PHLDB2: variants seen among roughly 807,000 people sequenced by gnomAD.
PHLDB2 encodes pleckstrin homology like domain family B member 2.
A neutral mutation model predicts 123.6 loss-of-function variants in PHLDB2; 71 were observed. The observed-to-expected ratio is 0.57, with a 90% CI of 0.47 to 0.70. The LOEUF (loss-of-function observed/expected upper bound fraction) is 0.70. PHLDB2 is among the 30% of genes least tolerant of loss of function. The probability of loss-of-function intolerance (pLI) is 0.00; values close to 1 mark genes in which losing one functional copy is unlikely to be tolerated. For missense variants in PHLDB2, 1,446 were observed against 1,519.5 expected (o/e 0.95, Z 0.80); for synonymous variants, 547 against 541.6 (o/e 1.01, Z -0.14).
rs777762809 is a variant in PHLDB2, at chr3:111,919,302, A to G, written c.1863+87A>G. 24 of 1,374,188 alleles carry G rather than the reference A, an allele frequency of 1.7e-5. No homozygotes were observed. The African/African-American group carries it at 2.9e-4, about 16-fold the overall frequency. 85.1% of individuals were successfully genotyped at this position (1,374,188 alleles called of 1,614,324 possible). A position where few individuals can be genotyped will look rare whatever the true frequency, so the allele number is the denominator to read the frequency against. On this transcript the variant is annotated intron_variant, in intron 4 of 17. Transcript: ENST00000431670. The stretch of plus-strand genomic sequence containing the variant: ...TATTCAGGAATAGGCTTTGGAGGCC[A>G]GATACATAGACGTCAACACAAGCAA...
At chr3:111,962,929 CAAAAAAAAAAA>C (rs57625439) in intron 13 of PHLDB2, among the ~76,000 whole-genome samples, 5 of 93,832 alleles carry the variant, frequency 5.3e-5, no homozygotes, top group Admixed American at 1.3e-4. Flanking sequence ...AACTCCATCT[CAAAAAAAAAAA>C]AAAAAAAAAG....
At chr3:111,912,513 T>C (rs1263024125) in intron 2 of PHLDB2, among the ~76,000 whole-genome samples, 1 of 152,160 alleles carries the variant, frequency 6.6e-6, no homozygotes, top group Non-Finnish European at 1.5e-5. Flanking sequence ...TTTATAATTT[T>C]AATTATATAA....
At chr3:111,958,043 T>G (rs917199031) in intron 12 of PHLDB2, 2 of 154,860 alleles carry the variant, frequency 1.3e-5, no homozygotes, top group East Asian at 3.8e-4. Flanking sequence ...TAAGGTTTCT[T>G]GAGTTTTTCT....
intron 1 of PHLDB2, among the ~76,000 whole-genome samples, chr3:111,744,944 G>A (rs1196615593): frequency 6.6e-6 from 1 of 152,216 alleles, no homozygotes; most frequent in East Asian, 1.9e-4. Context: ...GATGAAAATA[G>A]CACTGTCAGT....
intron 9 of PHLDB2, among the ~76,000 whole-genome samples, chr3:111,947,268 G>T (rs1041506345): frequency 4.6e-5 from 7 of 151,648 alleles, no homozygotes; most frequent in South Asian, 2.1e-4. Context: ...TTTATTTCCT[G>T]CAGACATTCT....
In PHLDB2 at chr3:111,859,270, G is replaced by C; in HGVS notation, c.-321G>C. The C allele has an allele frequency of 1.0e-6, 1 of 985,556 alleles. No individual in the cohort carries two copies. 61.1% of individuals were successfully genotyped at this position (985,556 alleles called of 1,614,324 possible). A position where few individuals can be genotyped will look rare whatever the true frequency, so the allele number is the denominator to read the frequency against. On this transcript the variant is annotated 5_prime_UTR_variant, in exon 1 of 18. Coordinates refer to ENST00000431670, the MANE Select transcript of PHLDB2 (RefSeq NM_001134438.2). Reference sequence around the variant, plus strand: ...AGCCTGCCACGAAAGTCCCTACTGCGTTGCTGCGAACGTAGCTTTGAGAAG... The same window carrying C: ...AGCCTGCCACGAAAGTCCCTACTGCCTTGCTGCGAACGTAGCTTTGAGAAG...
intron 2 of PHLDB2, among the ~76,000 whole-genome samples, chr3:111,905,004 C>T (rs2067429821): frequency 6.6e-6 from 1 of 152,140 alleles, no homozygotes; most frequent in Non-Finnish European, 1.5e-5. Flanking sequence ...AAGAGAACGG[C>T]AATGATTTTT....
At chr3:111,919,766 A>G (rs1006138277) in intron 4 of PHLDB2, among the ~76,000 whole-genome samples, 4 of 152,218 alleles carry the variant, frequency 2.6e-5, no homozygotes, top group African/African-American at 9.6e-5. Context: ...AATTCTGCCT[A>G]GGGAAGATCT....
At chr3:111,920,559 C>T (rs2068437753) in intron 5 of PHLDB2, 140 bp downstream of exon 5, 3 of 1,069,212 alleles carry the variant, frequency 2.8e-6, no homozygotes, top group East Asian at 5.3e-5. Flanking sequence ...AGAGAAAAAT[C>T]CTAAGATCAT....
intron 5 of PHLDB2, among the ~76,000 whole-genome samples, chr3:111,922,737 T>G (rs954539852): frequency 6.6e-6 from 1 of 152,226 alleles, no homozygotes; most frequent in Non-Finnish European, 1.5e-5. Context: ...TCAAATAAAT[T>G]TATTCCACCA....
At chr3:111,837,325 T>C (rs1019864488) in intron 1 of PHLDB2, among the ~76,000 whole-genome samples, 2 of 152,210 alleles carry the variant, frequency 1.3e-5, no homozygotes, top group African/African-American at 2.4e-5. Flanking sequence ...TTATAAAAGT[T>C]TGAAGTTACA....
At chr3:111,790,965 T>C (rs1404253856) in intron 1 of PHLDB2, among the ~76,000 whole-genome samples, 3 of 152,326 alleles carry the variant, frequency 2.0e-5, no homozygotes, top group African/African-American at 7.2e-5. Context: ...CATTCTGATA[T>C]GTAATCTGCT....
intron 5 of PHLDB2, among the ~76,000 whole-genome samples, chr3:111,923,189 C>G (rs1463841683): frequency 2.6e-5 from 4 of 152,136 alleles, no homozygotes; most frequent in African/African-American, 9.7e-5. Flanking sequence ...CTCTACTCCT[C>G]CATCAGATTC....
At chr3:111,837,678 C>T (rs1473075916) in intron 1 of PHLDB2, among the ~76,000 whole-genome samples, 1 of 152,136 alleles carries the variant, frequency 6.6e-6, no homozygotes, top group East Asian at 1.9e-4. Flanking sequence ...GACACAATTT[C>T]TCAAAGCTAA....
chr3:111,836,948 T>C (rs1458520456), intron 1 of PHLDB2, among the ~76,000 whole-genome samples: 1 of 152,158 alleles, frequency 6.6e-6, no homozygotes, highest in Non-Finnish European at 1.5e-5. Context: ...ATCTACATTA[T>C]TCAGGTGGAA....
rs563401752 is a variant in PHLDB2 at position 111,969,851 on chromosome 3, G to T, written c.3477G>T (p.Thr1159=). The T allele has an allele frequency of 1.2e-5, 19 of 1,614,032 alleles. No homozygotes were observed. The South Asian group carries it at 1.9e-4, about 16-fold the overall frequency. The change falls in exon 16 of 18, where the codon ACG becomes ACT. Residue 1159 remains threonine, a synonymous_variant. Transcript: ENST00000431670. ...FLIKMGGKIK[T]WKKRWFVFDR... ...TCAAAATGGGTGGGAAAATTAAAAC[G>T]TGGAAAAAACGTTGGTTTGTTTTTG... is the stretch of plus-strand genomic sequence containing the variant.
rs531243151 is a variant in PHLDB2, at chr3:111,783,739, T to G, written c.-49+51036T>G. On this transcript the variant is annotated intron_variant, in intron 1 of 17. Transcript: ENST00000393923. ...ACTAGCAAAATTCTAGGATAAATAT[T>G]AAAAGCCAATTTGTGAACATTTGGG... Among the ~76,000 whole-genome samples, 8 of 152,284 alleles carry G rather than the reference T, an allele frequency of 5.3e-5. No homozygotes were observed. In the South Asian group the frequency reaches 1.7e-3, roughly 32 times the overall value.
chr3:111,965,962 C>T (rs971291761), intron 13 of PHLDB2, among the ~76,000 whole-genome samples: 1 of 152,180 alleles, frequency 6.6e-6, no homozygotes, highest in Non-Finnish European at 1.5e-5. Flanking sequence ...GCTCTTAAAT[C>T]TCTTTATACA....
intron 12 of PHLDB2, among the ~76,000 whole-genome samples, chr3:111,959,119 G>A (rs368597895): frequency 2.6e-5 from 4 of 152,322 alleles, no homozygotes; most frequent in Middle Eastern, 3.4e-3. Flanking sequence ...ACCCAGCCCC[G>A]TCCCCTGATC....
Sources: allele counts gnomAD v4.1 joint callset (sites outside exome capture counted in the v4.1 genomes callset), GRCh38; gene constraint gnomAD v4.1.1; transcripts MANE v1.5; gene names NCBI Gene and HGNC (gene_info 2026-07-23, HGNC 2026-07-21).